Variants in CWC27 observed in about 807,000 individuals in gnomAD.
CWC27 encodes the protein spliceosome-associated protein CWC27 homolog.
A neutral mutation model predicts 63.6 loss-of-function variants in CWC27; 47 were observed. That is an observed-to-expected ratio of 0.74 (90% confidence interval 0.58 to 0.94). The LOEUF (loss-of-function observed/expected upper bound fraction) is 0.94, where lower values mean the gene tolerates loss of function less well. CWC27 is among the 40% of genes least tolerant of loss of function. The probability of loss-of-function intolerance (pLI) is 0.00; values close to 1 mark genes in which losing one functional copy is unlikely to be tolerated. For missense variants in CWC27, 495 were observed against 554.3 expected, an observed-to-expected ratio of 0.89 and a Z score of 1.07; for synonymous variants, 175 against 179.8, an observed-to-expected ratio of 0.97 and a Z score of 0.22.
chr5:64,848,695 A>G (rs1746051294), intron 10 of CWC27, among the ~76,000 whole-genome samples: 1 of 152,230 alleles, frequency 6.6e-6, no homozygotes, highest in South Asian at 2.1e-4. Flanking sequence ...ACACAAATCA[A>G]TAAATGTGGT....
intron 11 of CWC27, among the ~76,000 whole-genome samples, chr5:64,921,515 G>T (rs192342504): frequency 1.9e-3 from 291 of 152,202 alleles, no homozygotes; most frequent in Middle Eastern, 3.4e-3. Flanking sequence ...CATTTGCCTG[G>T]TAGATCCTTC....
Position 64,946,869 on chromosome 5 carries a change from G to A in CWC27, c.1043-24834G>A, listed in dbSNP as rs182621587. On this transcript the variant is annotated intron_variant, in intron 11 of 13. Transcript: ENST00000381070. ...AGGACTTAACATTTTTGTCATTACT[G>A]TTCTTCTAATGGTTAATCTGCCTGA... Among the ~76,000 whole-genome samples, 507 of 152,112 alleles carry A rather than the reference G, an allele frequency of 3.3e-3. 4 individuals carry two copies. The highest frequency in any genetic ancestry group is 0.012 in the African/African-American group (490 of 41,512).
intron 10 of CWC27, among the ~76,000 whole-genome samples, chr5:64,883,983 C>A (rs1747006087): frequency 6.6e-6 from 1 of 152,082 alleles, no homozygotes; most frequent in African/African-American, 2.4e-5. Flanking sequence ...GTTACAAGGG[C>A]AAATTTCCAG....
Position 64,804,237 on chromosome 5 carries a change from A to G in CWC27, c.789A>G (p.Glu263=). 6.2e-7 allele frequency: 1 copy of G among 1,604,358 alleles called. No individual in the cohort carries two copies. The highest frequency in any genetic ancestry group is 8.5e-7 in the Non-Finnish European group (1 of 1,175,110). ...ATTTTCCATTTCTACAGGATGGAGA[A>G]GATGAAAGTGCAGAGCATGATGAAT... ...GDAPDLVDDG[E]DESAEHDEYI... is the part of the protein sequence containing the mutation. Residue 263 remains glutamate, a synonymous_variant, in exon 10 of 14, where the codon GAA becomes GAG. Coordinates refer to ENST00000381070, the MANE Select transcript of CWC27 (RefSeq NM_005869.4).
At chr5:64,824,074 T>C (rs906925528) in intron 10 of CWC27, among the ~76,000 whole-genome samples, 1 of 152,204 alleles carries the variant, frequency 6.6e-6, no homozygotes, top group African/African-American at 2.4e-5. Context: ...GTTCTAACTT[T>C]ATCTAGCTAG....
At chr5:65,016,729 A>G (rs1460123526) in intron 13 of CWC27, among the ~76,000 whole-genome samples, 6 of 152,152 alleles carry the variant, frequency 3.9e-5, no homozygotes, top group African/African-American at 1.4e-4. Context: ...AAATCTTTTT[A>G]GGATTCTTCA....
At chr5:64,833,598 G>T (rs1428873246) in intron 10 of CWC27, among the ~76,000 whole-genome samples, 2 of 151,724 alleles carry the variant, frequency 1.3e-5, no homozygotes, top group East Asian at 3.9e-4. Context: ...ATTGTTCTAT[G>T]TAGGCTTTTA....
chr5:64,812,769 A>C (rs1035376628), intron 10 of CWC27, among the ~76,000 whole-genome samples: 1 of 152,158 alleles, frequency 6.6e-6, no homozygotes. Context: ...GGAACATGAA[A>C]ATAAAGGAGA....
chr5:64,809,994 C>T (rs1474185982), intron 10 of CWC27, among the ~76,000 whole-genome samples: 2 of 151,696 alleles, frequency 1.3e-5, no homozygotes, highest in Admixed American at 6.6e-5. Context: ...AGGCTATTCC[C>T]GCCTCTTTTT....
chr5:64,795,112 A>G (rs1449154799), intron 7 of CWC27, among the ~76,000 whole-genome samples: 1 of 152,112 alleles, frequency 6.6e-6, no homozygotes, highest in African/African-American at 2.4e-5. Context: ...TAAAGTAAGG[A>G]TGTTTTGTCC....
chr5:64,783,101 T>A (rs1195851690), intron 3 of CWC27, among the ~76,000 whole-genome samples: 2 of 152,218 alleles, frequency 1.3e-5, no homozygotes, highest in Admixed American at 1.3e-4. Flanking sequence ...TGAGTTCAGA[T>A]CTCTTGAGAA....
At chr5:64,915,836 A>G (rs1301334895) in intron 11 of CWC27, among the ~76,000 whole-genome samples, 20 of 152,188 alleles carry the variant, frequency 1.3e-4, no homozygotes, top group Admixed American at 1.3e-3. Flanking sequence ...CTATTTTTCC[A>G]TTTTACAAAT....
intron 11 of CWC27, among the ~76,000 whole-genome samples, chr5:64,891,539 G>C (rs1747237605): frequency 6.6e-6 from 1 of 152,156 alleles, no homozygotes; most frequent in African/African-American, 2.4e-5. Context: ...TAAAGTAAGA[G>C]ATGATCATCT....
At chr5:64,789,118 T>G in intron 7 of CWC27, 98 bp downstream of exon 7, 5 of 706,086 alleles carry the variant, frequency 7.1e-6, no homozygotes, top group Non-Finnish European at 1.1e-5. Context: ...CACAGCATGT[T>G]TTACATGGGG....
chr5:64,943,589 A>G (rs749735600), intron 11 of CWC27, among the ~76,000 whole-genome samples: 11 of 152,190 alleles, frequency 7.2e-5, no homozygotes, highest in Non-Finnish European at 1.6e-4. Context: ...AATGTCTACT[A>G]TGTGCCAGGC....
intron 1 of CWC27, among the ~76,000 whole-genome samples, chr5:64,772,165 C>T (rs899961963): frequency 6.6e-6 from 1 of 152,076 alleles, no homozygotes; most frequent in African/African-American, 2.4e-5. Flanking sequence ...GATTCCAGAG[C>T]CTGTGGAGGG....
chr5:64,998,559 G>A (rs930600241), intron 13 of CWC27, among the ~76,000 whole-genome samples: 8 of 152,032 alleles, frequency 5.3e-5, no homozygotes, highest in African/African-American at 1.9e-4. Flanking sequence ...GACACTATGA[G>A]GATTTCTTTT....
At chr5:64,848,523 T>C (rs1185946341) in intron 10 of CWC27, among the ~76,000 whole-genome samples, 1 of 152,078 alleles carries the variant, frequency 6.6e-6, no homozygotes, top group Non-Finnish European at 1.5e-5. Context: ...AGCCAGACAG[T>C]GATGTTACCA....
At chr5:64,993,487 T>A (rs1156636490) in intron 13 of CWC27, among the ~76,000 whole-genome samples, 1 of 150,768 alleles carries the variant, frequency 6.6e-6, no homozygotes, top group Non-Finnish European at 1.5e-5. Flanking sequence ...TGTAGCCCTG[T>A]TTAAAAAAAA....
Sources: allele counts gnomAD v4.1 joint callset (sites outside exome capture counted in the v4.1 genomes callset), GRCh38; gene constraint gnomAD v4.1.1; transcripts MANE v1.5; gene names NCBI Gene and HGNC (gene_info 2026-07-23, HGNC 2026-07-21).